The following IDH3A variants were observed in gnomAD, a reference collection of about 807,000 sequenced individuals.
IDH3A encodes the protein isocitrate dehydrogenase (NAD(+)) 3 catalytic subunit alpha.
In IDH3A, 23 loss-of-function variants were observed where a neutral mutation model predicts 43.3. The observed-to-expected ratio is 0.53, with a 90% confidence interval of 0.38 to 0.75. The LOEUF is 0.75. IDH3A is among the 30% of genes least tolerant of loss of function. The pLI, the probability that IDH3A is intolerant of heterozygous loss-of-function variation, is 0.00. For synonymous variants in IDH3A, 154 were observed against 163.5 expected, an observed-to-expected ratio of 0.94 and a Z score of 0.44; for missense variants, 329 against 474.4, an observed-to-expected ratio of 0.69 and a Z score of 2.85.
At chr15:78,157,486 C>A (rs1190179433) in intron 2 of IDH3A, 62 bp from the exon 3 acceptor site, 10 of 1,127,332 alleles carry the variant, frequency 8.9e-6, no homozygotes. Context: ...TCAAAATATT[C>A]TTTTTTAAGC....
chr15:78,162,638 C>T (rs904210603), intron 6 of IDH3A, among the ~76,000 whole-genome samples: 2 of 151,536 alleles, frequency 1.3e-5, no homozygotes, highest in South Asian at 4.2e-4. Context: ...CTCCGCCTCC[C>T]GGGTTCCAGC....
chr15:78,154,190 A>G (rs28722828), intron 1 of IDH3A, among the ~76,000 whole-genome samples: 1,101 of 70,322 alleles, frequency 0.016, 20 homozygotes, highest in African/African-American at 0.042. Flanking sequence ...TGGAGAGAGA[A>G]AAAAAAAAAA....
At chr15:78,150,599 T>C (rs1668302670) in intron 1 of IDH3A, among the ~76,000 whole-genome samples, 1 of 152,228 alleles carries the variant, frequency 6.6e-6, no homozygotes, top group South Asian at 2.1e-4. Flanking sequence ...TAAACATCTC[T>C]AAGCCTTAAT....
At position 78,149,582 on chromosome 15, in the gene IDH3A, C is replaced by G. The variant is rs889323813; in HGVS notation, c.27+152C>G. On this transcript the variant is annotated intron_variant, in intron 1 of 10. Transcript: ENST00000299518. ...AGCTTGGGAGCCGGTCCTGGTCGCCCGTGCCCCGCGCTCCGTGGCCGGCTC... is the reference window on the plus strand; with the variant it reads ...AGCTTGGGAGCCGGTCCTGGTCGCCGGTGCCCCGCGCTCCGTGGCCGGCTC... The G allele has an allele frequency of 1.6e-5, 10 of 610,450 alleles. No individual in the cohort carries two copies. In the African/African-American group the frequency reaches 1.8e-4, roughly 11 times the overall value. The allele number at this position is 610,450 out of a possible 1,614,324, so 37.8% of individuals were successfully genotyped here. A position where few individuals can be genotyped will look rare whatever the true frequency, so the allele number is the denominator to read the frequency against.
rs2074724025 is a variant in IDH3A, at chr15:78,165,060, T to C, written c.848T>C (p.Val283Ala). ...AGTGGCAACATTGGAGCCAATGGGG[T>C]TGCAATTTTTGAGTCGGTAAGGACC... is the stretch of plus-strand genomic sequence containing the variant. Reference protein sequence around the residue: ...TPSGNIGANGVAIFESVHGTA... With the variant: ...TPSGNIGANGAAIFESVHGTA... Residue 283 changes from valine (V) to alanine (A), a missense_variant, in exon 9 of 11, where the codon GTT (valine) becomes GCT (alanine). By Grantham distance (64) the Val-to-Ala change is moderately conservative. This residue lies in a region of IDH3A where 91 missense variants were observed against 111.6 expected (regional missense o/e 0.82). Coordinates refer to ENST00000299518, the MANE Select transcript of IDH3A (RefSeq NM_005530.3). 7 of 1,613,112 alleles carry C rather than the reference T, an allele frequency of 4.3e-6. No homozygotes were observed. Among genetic ancestry groups the C allele is most frequent in the Non-Finnish European group, 5.9e-6 (7 of 1,179,246 alleles).
chr15:78,170,102 A>G lies in IDH3A; in HGVS notation c.*1097A>G. ...TCAGCCTGAGTTAATTCACAAAATT[A>G]TGCCATGCTGGGGCTTGAGCTTGAG... On this transcript the variant is annotated 3_prime_UTR_variant, in exon 11 of 11. Transcript: ENST00000299518. The G allele has an allele frequency of 6.6e-6, 1 of 152,272 alleles. No individual in the cohort carries two copies. The highest frequency in any genetic ancestry group is 1.5e-5 in the Non-Finnish European group (1 of 68,060). The allele number at this position is 152,272 out of a possible 1,614,324, so 9.4% of individuals were successfully genotyped here. A position where few individuals can be genotyped will look rare whatever the true frequency, so the allele number is the denominator to read the frequency against.
In IDH3A at chr15:78,149,375, C is replaced by T. The variant is rs750864176; in HGVS notation, c.-29C>T. 11 of 1,530,882 alleles carry T rather than the reference C, an allele frequency of 7.2e-6. No individual in the cohort carries two copies. Among genetic ancestry groups the T allele is most frequent in the Non-Finnish European group, 9.6e-6 (11 of 1,145,884 alleles). The allele number at this position is 1,530,882 out of a possible 1,614,324, so 94.8% of individuals were successfully genotyped here. On this transcript the variant is annotated 5_prime_UTR_variant, in exon 1 of 11. Transcript: ENST00000299518. ...GGGCGCTTGCGCACTGCCGCTGCGGCTGTTGCTGCGGAGCCAGGAGGGGAA... is the reference window on the plus strand; with the variant it reads ...GGGCGCTTGCGCACTGCCGCTGCGGTTGTTGCTGCGGAGCCAGGAGGGGAA...
At position 78,171,601 on chromosome 15, in the gene IDH3A, T is replaced by A; in HGVS notation, c.*2596T>A. ...CTCTGAGAATGTGTGTGGTAAAGACTCACACTCAGTCCTATATATAACTCA... is the reference window on the plus strand; with the variant it reads ...CTCTGAGAATGTGTGTGGTAAAGACACACACTCAGTCCTATATATAACTCA... On this transcript the variant is annotated 3_prime_UTR_variant, in exon 11 of 11. Coordinates refer to ENST00000299518, the MANE Select transcript of IDH3A (RefSeq NM_005530.3). The A allele has an allele frequency of 8.1e-7, 1 of 1,238,246 alleles. No individual in the cohort carries two copies. Among genetic ancestry groups the A allele is most frequent in the Non-Finnish European group, 1.2e-6 (1 of 843,342 alleles). 76.7% of individuals were successfully genotyped at this position (1,238,246 alleles called of 1,614,324 possible). A position where few individuals can be genotyped will look rare whatever the true frequency, so the allele number is the denominator to read the frequency against.
intron 9 of IDH3A, 174 bp from the exon 10 acceptor site, chr15:78,165,976 A>C (rs1379975009): frequency 4.9e-6 from 3 of 611,514 alleles, no homozygotes; most frequent in Non-Finnish European, 8.6e-6. Flanking sequence ...GGTGTGAGCT[A>C]TCACGCCCAA....
Position 78,161,327 on chromosome 15 carries a change from G to A in IDH3A, c.290-254G>A, listed in dbSNP as rs1026470182. Among the ~76,000 whole-genome samples, 2 of 152,042 alleles carry A rather than the reference G, an allele frequency of 1.3e-5. No individual in the cohort carries two copies. Among genetic ancestry groups the A allele is most frequent in the Non-Finnish European group, 2.9e-5 (2 of 68,012 alleles). On this transcript the variant is annotated intron_variant, in intron 4 of 10. Coordinates refer to ENST00000299518, the MANE Select transcript of IDH3A (RefSeq NM_005530.3). This position sits in a 1 kb window ranked among gnomAD's most constrained non-coding sequence, Gnocchi z 4.8. ...GACAGTAACAGAGTTGCTGTTGTACGGGGTGATGATAAGGATTATATCATG... is the reference window on the plus strand; with the variant it reads ...GACAGTAACAGAGTTGCTGTTGTACAGGGTGATGATAAGGATTATATCATG...
At chr15:78,158,019 G>A (rs563111496) in intron 3 of IDH3A, among the ~76,000 whole-genome samples, 291 of 152,146 alleles carry the variant, frequency 1.9e-3, no homozygotes, top group Middle Eastern at 3.4e-3. Flanking sequence ...TATATGTAAA[G>A]TAATCAAAGT....
Position 78,166,573 on chromosome 15 carries a change from G to C in IDH3A, c.1017+271G>C, listed in dbSNP as rs549003736. 186 of 389,136 alleles carry C rather than the reference G, an allele frequency of 4.8e-4. 3 individuals carry two copies. In the South Asian group the frequency reaches 5.5e-3, roughly 11 times the overall value. The allele number at this position is 389,136 out of a possible 1,614,324, so 24.1% of individuals were successfully genotyped here. Reference sequence around the variant, plus strand: ...TGTACAGTGGAAAGGTCAGTGGTTTGGGAGGCAGCATCAGGTGCACGCCCA... The same window carrying C: ...TGTACAGTGGAAAGGTCAGTGGTTTCGGAGGCAGCATCAGGTGCACGCCCA... On this transcript the variant is annotated intron_variant, in intron 10 of 10. Transcript: ENST00000299518.
intron 1 of IDH3A, among the ~76,000 whole-genome samples, chr15:78,154,123 G>A (rs1181017893): frequency 6.7e-6 from 1 of 149,598 alleles, no homozygotes; most frequent in Non-Finnish European, 1.5e-5. Context: ...CAAGGACTAA[G>A]TTATTAAAGT....
In IDH3A at chr15:78,171,272, A is replaced by G; in HGVS notation, c.*2267A>G. The G allele has an allele frequency of 3.8e-6, 2 of 523,220 alleles. No homozygotes were observed. Among genetic ancestry groups the G allele is most frequent in the Non-Finnish European group, 6.8e-6 (2 of 293,060 alleles). 32.4% of individuals were successfully genotyped at this position (523,220 alleles called of 1,614,324 possible). On this transcript the variant is annotated 3_prime_UTR_variant, in exon 11 of 11. Transcript: ENST00000299518. ...ACACGTGAAGCTTCTTGGAATTGTC[A>G]GCTATTGTTGGCGTAAGACCTGGTA...
At position 78,160,039 on chromosome 15, in the gene IDH3A, CCA is replaced by C. The variant is rs1595868363; in HGVS notation, c.175-52_175-51del. 3.7e-6 allele frequency: 4 copies of C among 1,074,986 alleles called. No individual in the cohort carries two copies. In the East Asian group the frequency reaches 9.4e-5, roughly 25 times the overall value. 66.6% of individuals were successfully genotyped at this position (1,074,986 alleles called of 1,614,324 possible). A position where few individuals can be genotyped will look rare whatever the true frequency, so the allele number is the denominator to read the frequency against. On this transcript the variant is annotated intron_variant, in intron 3 of 10. Transcript: ENST00000299518. ...TTTGTTCATCATTGCAGTATGAATG[CCA>C]GTTTCCTTTAAGTCTCTCCAGCTCA...
chr15:78,160,291 A>G (rs1163986843), intron 4 of IDH3A, 85 bp downstream of exon 4: 6 of 737,118 alleles, frequency 8.1e-6, no homozygotes, highest in Non-Finnish European at 1.4e-5. Flanking sequence ...TTTAAACTGA[A>G]TAAGGCCTGG....
chr15:78,160,284 A>C lies in IDH3A; in HGVS notation c.289+78A>C. 3.8e-6 allele frequency: 3 copies of C among 792,976 alleles called. 1 individual carries two copies. The South Asian group carries it at 4.4e-5, about 12-fold the overall frequency. The allele number at this position is 792,976 out of a possible 1,614,324, so 49.1% of individuals were successfully genotyped here. ...CTTAGTTTTGAAAATTTATGCATTT[A>C]AACTGAATAAGGCCTGGCCATCTGT... On this transcript the variant is annotated intron_variant, in intron 4 of 10. Coordinates refer to ENST00000299518, the MANE Select transcript of IDH3A (RefSeq NM_005530.3).
At chr15:78,154,896 C>G (rs1213847456) in intron 1 of IDH3A, 3 of 209,744 alleles carry the variant, frequency 1.4e-5, no homozygotes, top group Non-Finnish European at 2.8e-5. Flanking sequence ...ATCCACTCAT[C>G]TGAGAAGAAT....
intron 1 of IDH3A, among the ~76,000 whole-genome samples, chr15:78,153,630 A>T (rs1246337301): frequency 6.6e-6 from 1 of 152,222 alleles, no homozygotes; most frequent in Non-Finnish European, 1.5e-5. Flanking sequence ...TAAATATTTC[A>T]GCAAAGGTTC....
Sources: gnomAD v4.1 joint callset for allele counts (sites outside exome capture counted in the v4.1 genomes callset) on GRCh38, gnomAD v4.1.1 for gene constraint, gnomAD v4.1.1 regional missense constraint, Gnocchi (gnomAD v3.1) non-coding constraint, MANE v1.5 for transcripts, NCBI Gene and HGNC (gene_info 2026-07-23, HGNC 2026-07-21) for gene names.